SHISA9: variants seen among roughly 807,000 people sequenced by gnomAD.
SHISA9 encodes protein shisa-9.
In SHISA9, 13 loss-of-function variants were observed where a neutral mutation model predicts 38.0. The ratio of observed to expected loss-of-function variants is 0.34; its 90% CI spans 0.22 to 0.54. SHISA9 has a LOEUF of 0.54. Ranked by LOEUF, SHISA9 falls within the 20% of genes least tolerant of loss-of-function variation. SHISA9 has a pLI of 0.91. For missense variants in SHISA9, 538 were observed against 575.8 expected, an observed-to-expected ratio of 0.93 and a Z score of 0.67; for synonymous variants, 275 against 242.0, an observed-to-expected ratio of 1.14 and a Z score of -1.27.
chr16:12,909,587 A>G, intron 1 of SHISA9: 1 of 985,330 alleles, frequency 1.0e-6, no homozygotes. Flanking sequence ...CCCATCTTGG[A>G]GCTGTTGCAC....
chr16:13,265,489 C>A, the SHISA9 span, among the ~76,000 whole-genome samples: 1 of 124,838 alleles, frequency 8.0e-6, no homozygotes, highest in South Asian at 3.0e-4. Flanking sequence ...TTTCCCTTTC[C>A]TTCATTCCCT....
chr16:13,370,996 G>A, the SHISA9 span, among the ~76,000 whole-genome samples: 2 of 152,118 alleles, frequency 1.3e-5, no homozygotes, highest in African/African-American at 2.4e-5. Context: ...TCCAGCAAAC[G>A]ACAAATAATT....
the SHISA9 span, among the ~76,000 whole-genome samples, chr16:13,325,841 G>A: frequency 6.6e-6 from 1 of 151,150 alleles, no homozygotes; most frequent in Admixed American, 6.6e-5. Flanking sequence ...ATAAGTGGGG[G>A]TAAACAGTGA....
At chr16:12,954,651 A>G (rs1456466520) in intron 2 of SHISA9, among the ~76,000 whole-genome samples, 2 of 152,170 alleles carry the variant, frequency 1.3e-5, no homozygotes, top group African/African-American at 2.4e-5. Flanking sequence ...ATTTTATGCT[A>G]TTTTATATTT....
chr16:12,956,609 T>G (rs200580203), intron 2 of SHISA9, among the ~76,000 whole-genome samples: 1 of 152,258 alleles, frequency 6.6e-6, no homozygotes, highest in East Asian at 1.9e-4. Context: ...TTGTCCCAAG[T>G]GAATTAACTC....
the SHISA9 span, among the ~76,000 whole-genome samples, chr16:13,555,541 G>A: frequency 6.6e-6 from 1 of 152,182 alleles, no homozygotes; most frequent in East Asian, 1.9e-4. Context: ...GTTTAAAAAT[G>A]AGCAAGAGAG....
At chr16:13,429,924 G>A in the SHISA9 span, among the ~76,000 whole-genome samples, 3 of 152,160 alleles carry the variant, frequency 2.0e-5, no homozygotes, top group African/African-American at 7.2e-5. Flanking sequence ...TAGTATCTCA[G>A]AATGTGACTA....
intron 2 of SHISA9, among the ~76,000 whole-genome samples, chr16:12,932,391 G>A (rs1292291887): frequency 1.3e-5 from 2 of 152,120 alleles, no homozygotes; most frequent in Non-Finnish European, 2.9e-5. Flanking sequence ...ACCCAGGCTG[G>A]AGTGCAGTGG....
chr16:13,423,612 T>C, the SHISA9 span, among the ~76,000 whole-genome samples: 1 of 152,202 alleles, frequency 6.6e-6, no homozygotes, highest in African/African-American at 2.4e-5. Context: ...TTATCGTACA[T>C]TTTGGAGCTG....
chr16:13,106,208 G>C (rs973882118), intron 2 of SHISA9, among the ~76,000 whole-genome samples: 1 of 152,132 alleles, frequency 6.6e-6, no homozygotes, highest in Admixed American at 6.6e-5. Context: ...CCAAATTTTG[G>C]TGTGAATTAT....
intron 2 of SHISA9, among the ~76,000 whole-genome samples, chr16:13,142,283 C>T (rs752940042): frequency 2.0e-5 from 3 of 152,184 alleles, no homozygotes; most frequent in African/African-American, 4.8e-5. Flanking sequence ...CTTATTAGGT[C>T]TTCCCTAAGC....
At chr16:13,166,227 C>T (rs1218558215) in intron 2 of SHISA9, among the ~76,000 whole-genome samples, 2 of 152,196 alleles carry the variant, frequency 1.3e-5, no homozygotes, top group East Asian at 1.9e-4. Flanking sequence ...CAACGTCAGA[C>T]TTCTAAGAGT....
intron 1 of SHISA9, among the ~76,000 whole-genome samples, chr16:12,903,218 G>A (rs2071044958): frequency 6.6e-6 from 1 of 152,134 alleles, no homozygotes; most frequent in Admixed American, 6.5e-5. Flanking sequence ...GAGCTTCGCC[G>A]TCCCTGGATT....
At chr16:13,271,224 T>C in the SHISA9 span, among the ~76,000 whole-genome samples, 1 of 152,188 alleles carries the variant, frequency 6.6e-6, no homozygotes, top group Non-Finnish European at 1.5e-5. Context: ...ATCCGGGAAC[T>C]GTAACATCAG....
At chr16:13,477,890 G>A in the SHISA9 span, among the ~76,000 whole-genome samples, 792 of 152,216 alleles carry the variant, frequency 5.2e-3, 4 homozygotes, top group African/African-American at 0.018. Flanking sequence ...GCCCGAACCC[G>A]GGAGGTGGAG....
the SHISA9 span, among the ~76,000 whole-genome samples, chr16:13,376,665 C>G: frequency 6.6e-6 from 1 of 152,026 alleles, no homozygotes; most frequent in Non-Finnish European, 1.5e-5. Context: ...AAGAACATCC[C>G]TTATTCTGTA....
At chr16:13,186,621 T>G (rs972388895) in intron 2 of SHISA9, among the ~76,000 whole-genome samples, 15 of 152,124 alleles carry the variant, frequency 9.9e-5, no homozygotes, top group Non-Finnish European at 2.1e-4. Context: ...TTTTTAAGTG[T>G]ACATTTCCGT....
the SHISA9 span, among the ~76,000 whole-genome samples, chr16:13,382,861 A>G: frequency 9.8e-5 from 14 of 142,720 alleles, no homozygotes; most frequent in East Asian, 1.9e-4. Flanking sequence ...CTGTCTTAAA[A>G]CAAACAAACA....
In SHISA9 at chr16:13,019,266, CTGAGATT is replaced by C. The variant is rs534913983; in HGVS notation, c.691+102452_691+102458del. The stretch of plus-strand genomic sequence containing the variant: ...CTACCTGCCTCGGCCTCCCAAAGTG[CTGAGATT>C]ACAGACGTGAGCCACCACGCTTGGC... On this transcript the variant is annotated intron_variant, in intron 2 of 4. Transcript: ENST00000558583. 7.0e-3 allele frequency among the ~76,000 whole-genome samples: 1,066 copies of C among 152,278 alleles called. 11 individuals are homozygous for C. Among genetic ancestry groups the C allele is most frequent in the African/African-American group, 0.024 (999 of 41,558 alleles).
Sources: allele counts gnomAD v4.1 joint callset (sites outside exome capture counted in the v4.1 genomes callset), GRCh38; gene constraint gnomAD v4.1.1; transcripts MANE v1.5; gene names NCBI Gene and HGNC (gene_info 2026-07-23, HGNC 2026-07-21).